LPAR1: variants seen among roughly 807,000 people sequenced by gnomAD.
LPAR1 encodes the protein LPA receptor 1.
Under a neutral mutation model 23.8 loss-of-function variants are expected in LPAR1, and 5 were observed. That is an observed-to-expected ratio of 0.21 (90% CI 0.11 to 0.44). The LOEUF is 0.44. LPAR1 is among the 20% of genes least tolerant of loss of function. The probability of loss-of-function intolerance (pLI) is 0.99; values close to 1 mark genes in which losing one functional copy is unlikely to be tolerated. For missense variants in LPAR1, 311 were observed against 482.8 expected, an observed-to-expected ratio of 0.64 and a Z score of 3.33; for synonymous variants, 160 against 164.7, an observed-to-expected ratio of 0.97 and a Z score of 0.22.
chr9:111,030,145 G>A (rs979378781), intron 2 of LPAR1, among the ~76,000 whole-genome samples: 7 of 151,850 alleles, frequency 4.6e-5, no homozygotes, highest in African/African-American at 1.2e-4. Context: ...AACTGACAGC[G>A]TCTCAAAGTG....
intron 5 of LPAR1, among the ~76,000 whole-genome samples, chr9:110,923,180 G>A (rs2093759496): frequency 6.6e-6 from 1 of 151,926 alleles, no homozygotes; most frequent in Admixed American, 6.6e-5. Flanking sequence ...ATTAATTCAG[G>A]GACTTTAGAT....
intron 4 of LPAR1, among the ~76,000 whole-genome samples, chr9:110,946,875 G>A (rs1238169506): frequency 6.6e-6 from 1 of 152,060 alleles, no homozygotes; most frequent in Non-Finnish European, 1.5e-5. Flanking sequence ...TTACTGTATA[G>A]ATAAAAACTT....
chr9:110,919,119 G>A (rs555838954), intron 5 of LPAR1, among the ~76,000 whole-genome samples: 1 of 152,138 alleles, frequency 6.6e-6, no homozygotes, highest in African/African-American at 2.4e-5. Flanking sequence ...ACAATAAATT[G>A]CTCAAAAGGG....
chr9:110,954,923 A>T (rs1455850644), intron 4 of LPAR1, among the ~76,000 whole-genome samples: 2 of 152,232 alleles, frequency 1.3e-5, no homozygotes, highest in African/African-American at 4.8e-5. Flanking sequence ...TGTAAAACCC[A>T]CTGGTAGAGC....
chr9:111,002,768 A>T (rs1352106062), intron 2 of LPAR1, among the ~76,000 whole-genome samples: 2 of 152,188 alleles, frequency 1.3e-5, no homozygotes, highest in Non-Finnish European at 2.9e-5. Context: ...TTTCAGTAAA[A>T]GAGGAATGCA....
chr9:110,884,012 G>C (rs1244190789), intron 5 of LPAR1, among the ~76,000 whole-genome samples: 2 of 146,006 alleles, frequency 1.4e-5, no homozygotes, highest in Non-Finnish European at 3.0e-5. Flanking sequence ...GTTTGCATAA[G>C]CTTAAAATCA....
chr9:111,000,037 A>G (rs1268951967), intron 2 of LPAR1, among the ~76,000 whole-genome samples: 2 of 152,116 alleles, frequency 1.3e-5, no homozygotes, highest in Non-Finnish European at 2.9e-5. Flanking sequence ...TAAGGCCCCT[A>G]ATCTCATTCA....
intron 2 of LPAR1, among the ~76,000 whole-genome samples, chr9:111,006,518 T>G (rs2097220410): frequency 6.6e-6 from 1 of 152,132 alleles, no homozygotes; most frequent in African/African-American, 2.4e-5. Flanking sequence ...ACATCTATAT[T>G]ACCAATTCCA....
At chr9:110,891,951 T>C (rs1205334142) in intron 5 of LPAR1, among the ~76,000 whole-genome samples, 1 of 152,214 alleles carries the variant, frequency 6.6e-6, no homozygotes. Flanking sequence ...AAATGTAACA[T>C]GGTATTAATT....
chr9:110,953,737 T>C (rs957795868), intron 4 of LPAR1, among the ~76,000 whole-genome samples: 33 of 151,626 alleles, frequency 2.2e-4, no homozygotes, highest in African/African-American at 8.0e-4. Context: ...ACTACACTAC[T>C]TCACATACTC....
chr9:110,938,848 T>TG (rs1264290699), intron 5 of LPAR1, among the ~76,000 whole-genome samples: 1 of 152,064 alleles, frequency 6.6e-6, no homozygotes, highest in East Asian at 1.9e-4. Context: ...CACTCCAGCC[T>TG]GGGTGATACA....
chr9:110,899,016 C>T (rs1337746836), intron 5 of LPAR1, among the ~76,000 whole-genome samples: 1 of 152,202 alleles, frequency 6.6e-6, no homozygotes, highest in Non-Finnish European at 1.5e-5. Context: ...CTTGGACAAA[C>T]ATCGGCTAAT....
chr9:110,924,456 A>C (rs1397187538), intron 5 of LPAR1, among the ~76,000 whole-genome samples: 1 of 152,136 alleles, frequency 6.6e-6, no homozygotes, highest in African/African-American at 2.4e-5. Context: ...TATTCAACTT[A>C]ATATTTTGGT....
intron 2 of LPAR1, among the ~76,000 whole-genome samples, chr9:111,025,000 C>T (rs1171654191): frequency 1.1e-4 from 17 of 152,244 alleles, no homozygotes; most frequent in African/African-American, 4.1e-4. Context: ...AATAGTGCTG[C>T]AATAAACATA....
At chr9:110,918,934 C>T (rs1292362943) in intron 5 of LPAR1, among the ~76,000 whole-genome samples, 1 of 151,744 alleles carries the variant, frequency 6.6e-6, no homozygotes, top group Admixed American at 6.6e-5. Flanking sequence ...ATGGTGGACA[C>T]ACCCTAAGAT....
At chr9:110,968,331 T>C (rs1430515499) in intron 4 of LPAR1, among the ~76,000 whole-genome samples, 1 of 152,174 alleles carries the variant, frequency 6.6e-6, no homozygotes, top group African/African-American at 2.4e-5. Flanking sequence ...TCTGCTTCTG[T>C]GAGTTGGTAT....
At chr9:110,901,991 A>G (rs2089286498) in intron 5 of LPAR1, among the ~76,000 whole-genome samples, 1 of 152,186 alleles carries the variant, frequency 6.6e-6, no homozygotes. Context: ...CCAGCTAAGT[A>G]TAAATATAAA....
chr9:111,011,672 T>C (rs1034800178), intron 2 of LPAR1, among the ~76,000 whole-genome samples: 13 of 152,200 alleles, frequency 8.5e-5, no homozygotes, highest in African/African-American at 2.9e-4. Context: ...TGATTTATTC[T>C]ATCCTTCAAG....
intron 2 of LPAR1, chr9:110,999,442 C>G (rs1411762761): frequency 4.4e-6 from 2 of 455,918 alleles, no homozygotes; most frequent in Admixed American, 4.7e-5. Flanking sequence ...CAGCAGCATC[C>G]CCACACCATG....
Sources: allele counts gnomAD v4.1 joint callset (sites outside exome capture counted in the v4.1 genomes callset), GRCh38; gene constraint gnomAD v4.1.1; transcripts MANE v1.5; gene names NCBI Gene and HGNC (gene_info 2026-07-23, HGNC 2026-07-21).